TAFA2: variants seen among roughly 807,000 people sequenced by gnomAD.
TAFA2 encodes TAFA chemokine like family member 2, also known as chemokine-like protein TAFA-2.
In TAFA2, 7 loss-of-function variants were observed where a neutral mutation model predicts 18.8. That is an observed-to-expected ratio of 0.37 (90% confidence interval 0.21 to 0.70). The LOEUF (loss-of-function observed/expected upper bound fraction) is 0.70, where lower values mean the gene tolerates loss of function less well. Among genes scored for constraint, TAFA2 ranks in the 30% least tolerant of loss-of-function variants. TAFA2 has a pLI of 0.53. For missense variants in TAFA2, 122 were observed against 158.1 expected (o/e 0.77, Z 1.23); for synonymous variants, 60 against 54.2 (o/e 1.11, Z -0.47).
Position 62,086,821 on chromosome 12 carries a change from A to G in TAFA2, c.-2+104438T>C, listed in dbSNP as rs562312072. Among the ~76,000 whole-genome samples, 249 of 152,276 alleles carry G rather than the reference A, an allele frequency of 1.6e-3. 1 individual carries two copies. Among genetic ancestry groups the G allele is most frequent in the African/African-American group, 5.4e-3 (226 of 41,552 alleles). On this transcript the variant is annotated intron_variant, in intron 1 of 4. Coordinates refer to ENST00000416284, the MANE Select transcript of TAFA2 (RefSeq NM_178539.5). Reference sequence around the variant, plus strand: ...GAGAGTTGGGAGCAAGGACTCAAGCAGTTATCTATACACCTATATTCATAG... The same window carrying G: ...GAGAGTTGGGAGCAAGGACTCAAGCGGTTATCTATACACCTATATTCATAG...
intron 1 of TAFA2, among the ~76,000 whole-genome samples, chr12:62,083,885 A>G (rs1868361927): frequency 6.6e-6 from 1 of 152,220 alleles, no homozygotes; most frequent in South Asian, 2.1e-4. Context: ...ATTTTTTATA[A>G]TCTAATTTGA....
At chr12:61,819,173 A>C (rs1176762650) in intron 2 of TAFA2, among the ~76,000 whole-genome samples, 1 of 152,246 alleles carries the variant, frequency 6.6e-6, no homozygotes, top group Non-Finnish European at 1.5e-5. Flanking sequence ...GTAGAGCACT[A>C]AGAAATAATA....
At chr12:62,174,202 G>A (rs2062497147) in intron 1 of TAFA2, among the ~76,000 whole-genome samples, 1 of 152,164 alleles carries the variant, frequency 6.6e-6, no homozygotes, top group African/African-American at 2.4e-5. Flanking sequence ...TGTAGTCCCA[G>A]CTACTCAGGA....
chr12:61,969,579 A>G, intron 1 of TAFA2, among the ~76,000 whole-genome samples: 1 of 151,794 alleles, frequency 6.6e-6, no homozygotes. Flanking sequence ...ATCTGTAATG[A>G]AAGACCTAAT....
At chr12:61,855,784 A>C (rs772023368) in intron 2 of TAFA2, among the ~76,000 whole-genome samples, 5 of 152,248 alleles carry the variant, frequency 3.3e-5, no homozygotes, top group Non-Finnish European at 7.4e-5. Flanking sequence ...TCAACTTAAT[A>C]TATGAGAAAG....
At chr12:61,724,798 T>TATACACCAGATGG (rs1416087029) in intron 4 of TAFA2, among the ~76,000 whole-genome samples, 692 of 98,248 alleles carry the variant, frequency 7.0e-3, no homozygotes, top group African/African-American at 0.02. Flanking sequence ...TGTGTGTGTG[T>TATACACCAGATGG]GTGTATACAC....
At chr12:61,931,431 C>T (rs1260063847) in intron 1 of TAFA2, among the ~76,000 whole-genome samples, 1 of 152,208 alleles carries the variant, frequency 6.6e-6, no homozygotes, top group African/African-American at 2.4e-5. Context: ...GAGCACTTGG[C>T]ACTGGCCAGC....
At chr12:61,873,138 A>G (rs1158186391) in intron 1 of TAFA2, among the ~76,000 whole-genome samples, 1 of 152,158 alleles carries the variant, frequency 6.6e-6, no homozygotes, top group Non-Finnish European at 1.5e-5. Context: ...TTAATGGAGA[A>G]GTTTTATTAC....
chr12:61,998,027 A>C (rs1156688312), intron 1 of TAFA2, among the ~76,000 whole-genome samples: 2 of 152,188 alleles, frequency 1.3e-5, no homozygotes, highest in Non-Finnish European at 2.9e-5. Context: ...ATCATGGGTC[A>C]GATGTAAATT....
intron 1 of TAFA2, among the ~76,000 whole-genome samples, chr12:61,922,312 G>A (rs1877086851): frequency 6.6e-6 from 1 of 152,222 alleles, no homozygotes; most frequent in Non-Finnish European, 1.5e-5. Context: ...TGCTGGGCAA[G>A]ATGGCTGAAT....
chr12:62,184,667 T>A (rs2062574143), intron 1 of TAFA2, among the ~76,000 whole-genome samples: 1 of 151,360 alleles, frequency 6.6e-6, no homozygotes, highest in African/African-American at 2.4e-5. Context: ...GGCTAATTTT[T>A]TTTTTTTTAC....
chr12:61,853,656 T>A (rs537765140), intron 2 of TAFA2, among the ~76,000 whole-genome samples: 1 of 152,258 alleles, frequency 6.6e-6, no homozygotes, highest in Admixed American at 6.5e-5. Flanking sequence ...GAGAGGCAAT[T>A]ACATCTCTAG....
chr12:62,059,603 T>C (rs1430052297), intron 1 of TAFA2, among the ~76,000 whole-genome samples: 1 of 152,132 alleles, frequency 6.6e-6, no homozygotes, highest in African/African-American at 2.4e-5. Flanking sequence ...TAAGGTATTA[T>C]TTGAGCAGAA....
intron 1 of TAFA2, among the ~76,000 whole-genome samples, chr12:62,020,099 G>A (rs554177723): frequency 6.6e-5 from 10 of 152,200 alleles, no homozygotes; most frequent in Non-Finnish European, 8.8e-5. Flanking sequence ...AGGATATTGA[G>A]AACTTACCTT....
intron 2 of TAFA2, among the ~76,000 whole-genome samples, chr12:61,845,354 G>GA (rs993600118): frequency 1.8e-3 from 276 of 150,558 alleles, no homozygotes; most frequent in African/African-American, 6.3e-3. Flanking sequence ...CAGTCTCTAA[G>GA]AAAAAAAAAG....
chr12:62,204,302 A>T (rs1186557257), intron 1 of TAFA2, among the ~76,000 whole-genome samples: 1 of 151,942 alleles, frequency 6.6e-6, no homozygotes. Context: ...GGAGAATCTG[A>T]TGATTATGTG....
chr12:61,714,053 C>A (rs1282207519), intron 4 of TAFA2, among the ~76,000 whole-genome samples: 1 of 152,050 alleles, frequency 6.6e-6, no homozygotes, highest in Non-Finnish European at 1.5e-5. Context: ...GGCAAGTTTT[C>A]AGTAACTAAA....
intron 1 of TAFA2, among the ~76,000 whole-genome samples, chr12:62,092,899 T>C (rs1330648587): frequency 6.6e-6 from 1 of 151,998 alleles, no homozygotes; most frequent in East Asian, 1.9e-4. Context: ...CCAAATCCCA[T>C]ATAATTTTTA....
intron 1 of TAFA2, among the ~76,000 whole-genome samples, chr12:62,110,960 T>G (rs143596585): frequency 0.02 from 3,113 of 152,254 alleles, 106 homozygotes; most frequent in African/African-American, 0.069. Flanking sequence ...TTGATTTTTT[T>G]GAAGGGTTTT....
Sources: gnomAD v4.1 joint callset for allele counts (sites outside exome capture counted in the v4.1 genomes callset) on GRCh38, gnomAD v4.1.1 for gene constraint, MANE v1.5 for transcripts, NCBI Gene and HGNC (gene_info 2026-07-23, HGNC 2026-07-21) for gene names.